KCNT2: variants seen among roughly 807,000 people sequenced by gnomAD.
KCNT2 encodes potassium channel subfamily T member 2.
Under a neutral mutation model 153.8 loss-of-function variants are expected in KCNT2, and 67 were observed. The ratio of observed to expected loss-of-function variants is 0.44; its 90% CI spans 0.36 to 0.53. KCNT2 has a LOEUF of 0.53. Among genes scored for constraint, KCNT2 ranks in the 20% least tolerant of loss-of-function variants. The pLI is 0.00. For missense variants in KCNT2, 975 were observed against 1,354.8 expected (o/e 0.72, Z 4.40); for synonymous variants, 500 against 458.8 (o/e 1.09, Z -1.15).
At chr1:196,558,921 T>A (rs1408291526) in intron 1 of KCNT2, among the ~76,000 whole-genome samples, 3 of 151,568 alleles carry the variant, frequency 2.0e-5, no homozygotes, top group Admixed American at 1.3e-4. Flanking sequence ...GTAATATCTT[T>A]GTAAACAAGT....
At chr1:196,271,686 A>G (rs1157884688) in intron 25 of KCNT2, among the ~76,000 whole-genome samples, 1 of 151,956 alleles carries the variant, frequency 6.6e-6, no homozygotes, top group Non-Finnish European at 1.5e-5. Flanking sequence ...TGTTAGAGAG[A>G]AAGTGAAACA....
At position 196,263,186 on chromosome 1, in the gene KCNT2, T is replaced by A. The variant is rs184179795; in HGVS notation, c.2911-4692A>T. Among the ~76,000 whole-genome samples, 293 of 152,122 alleles carry A rather than the reference T, an allele frequency of 1.9e-3. 1 individual carries two copies. Among genetic ancestry groups the A allele is most frequent in the African/African-American group, 6.6e-3 (272 of 41,524 alleles). ...ACCTATATATAATTCTTTTTTTTTTTAATTTTACTTTAAGCTCTGGGGTAC... is the reference window on the plus strand; with the variant it reads ...ACCTATATATAATTCTTTTTTTTTTAAATTTTACTTTAAGCTCTGGGGTAC... On this transcript the variant is annotated intron_variant, in intron 25 of 27. Transcript: ENST00000294725.
chr1:196,533,160 T>C (rs944741453), intron 1 of KCNT2, among the ~76,000 whole-genome samples: 1 of 152,082 alleles, frequency 6.6e-6, no homozygotes, highest in Non-Finnish European at 1.5e-5. Context: ...TCAACATAGG[T>C]ATTACTTGCA....
At chr1:196,303,108 T>C (rs1336774024) in intron 22 of KCNT2, among the ~76,000 whole-genome samples, 2 of 152,126 alleles carry the variant, frequency 1.3e-5, no homozygotes, top group African/African-American at 2.4e-5. Flanking sequence ...CCTTTCTCTG[T>C]CAAAAACTTG....
chr1:196,285,460 A>T (rs542904739), intron 23 of KCNT2, among the ~76,000 whole-genome samples, 197 bp downstream of exon 23: 14 of 152,278 alleles, frequency 9.2e-5, no homozygotes, highest in African/African-American at 2.6e-4. Flanking sequence ...GGTTATTTTT[A>T]AAAATAGTAT....
chr1:196,439,778 A>C (rs771549002), intron 8 of KCNT2, among the ~76,000 whole-genome samples: 3 of 151,954 alleles, frequency 2.0e-5, no homozygotes, highest in Non-Finnish European at 4.4e-5. Flanking sequence ...GAACTTGTTT[A>C]CAGTTCTAAT....
At chr1:196,563,826 A>G (rs909041080) in intron 1 of KCNT2, among the ~76,000 whole-genome samples, 1 of 152,026 alleles carries the variant, frequency 6.6e-6, no homozygotes, top group Non-Finnish European at 1.5e-5. Context: ...TTTCATAATA[A>G]AAGTATCAAG....
chr1:196,493,104 A>C (rs1391815669), intron 1 of KCNT2, among the ~76,000 whole-genome samples: 2 of 152,146 alleles, frequency 1.3e-5, no homozygotes, highest in Non-Finnish European at 2.9e-5. Flanking sequence ...AATATTTTCA[A>C]AATACTAAGT....
At chr1:196,341,742 G>A (rs1665656393) in intron 15 of KCNT2, among the ~76,000 whole-genome samples, 1 of 151,700 alleles carries the variant, frequency 6.6e-6, no homozygotes, top group Non-Finnish European at 1.5e-5. Flanking sequence ...AAATATTAGT[G>A]TTACTTTGTT....
intron 5 of KCNT2, among the ~76,000 whole-genome samples, chr1:196,476,376 TG>T (rs1379668950): frequency 6.6e-6 from 1 of 152,180 alleles, no homozygotes; most frequent in Non-Finnish European, 1.5e-5. Flanking sequence ...TTAATTTATT[TG>T]ATTTTTTATT....
At chr1:196,546,619 C>T (rs1657136986) in intron 1 of KCNT2, among the ~76,000 whole-genome samples, 1 of 151,896 alleles carries the variant, frequency 6.6e-6, no homozygotes, top group Non-Finnish European at 1.5e-5. Flanking sequence ...AAGGAAAAAC[C>T]TAAGCATCAG....
chr1:196,236,010 G>C lies in KCNT2; in HGVS notation c.3272C>G (p.Thr1091Ser). 1.3e-6 allele frequency: 2 copies of C among 1,599,268 alleles called. No individual in the cohort carries two copies. Among genetic ancestry groups the C allele is most frequent in the Non-Finnish European group, 1.7e-6 (2 of 1,167,576 alleles). The change falls in exon 27 of 28, where the codon ACC becomes AGC. Residue 1091 changes from threonine to serine, a missense_variant. Around this residue, in one of 6 missense-constraint regions of KCNT2, gnomAD observed 241 missense variants for 271.1 expected, o/e 0.89. Coordinates refer to ENST00000294725, the MANE Select transcript of KCNT2 (RefSeq NM_198503.5). ...SYILINPSPD[T>S]RIELNDVVYL... ...CACAACATCATTCAGCTCTATTCTG[G>C]TATCTGGAGATGGGTTAATCAGGAT... is the stretch of plus-strand genomic sequence containing the variant.
intron 1 of KCNT2, among the ~76,000 whole-genome samples, chr1:196,530,779 T>C (rs1199050484): frequency 6.6e-6 from 1 of 152,124 alleles, no homozygotes; most frequent in Non-Finnish European, 1.5e-5. Context: ...GATTTAACCA[T>C]GATTTTACTT....
At chr1:196,257,889 G>C (rs1022009360) in intron 26 of KCNT2, 1 of 978,830 alleles carries the variant, frequency 1.0e-6, no homozygotes, top group Non-Finnish European at 1.2e-6. Context: ...CCTGACTTAG[G>C]TTCTTTACTT....
intron 1 of KCNT2, among the ~76,000 whole-genome samples, chr1:196,506,042 G>T (rs932120511): frequency 1.3e-5 from 2 of 152,154 alleles, no homozygotes; most frequent in Non-Finnish European, 2.9e-5. Context: ...GGGACAATTT[G>T]ACTTCCTCTT....
At chr1:196,406,440 T>C (rs1671834605) in intron 12 of KCNT2, among the ~76,000 whole-genome samples, 1 of 151,380 alleles carries the variant, frequency 6.6e-6, no homozygotes, top group African/African-American at 2.4e-5. Flanking sequence ...TCTCCACCAT[T>C]AAAATATGTG....
At chr1:196,463,675 C>G (rs1677353817) in intron 8 of KCNT2, among the ~76,000 whole-genome samples, 1 of 151,576 alleles carries the variant, frequency 6.6e-6, no homozygotes, top group Non-Finnish European at 1.5e-5. Context: ...GAAATAATTT[C>G]AATAATGAAT....
At chr1:196,602,189 T>A (rs1299165328) in intron 1 of KCNT2, among the ~76,000 whole-genome samples, 1 of 152,166 alleles carries the variant, frequency 6.6e-6, no homozygotes, top group Non-Finnish European at 1.5e-5. Flanking sequence ...CCGCTAAACA[T>A]TAAATATTGC....
intron 22 of KCNT2, among the ~76,000 whole-genome samples, chr1:196,304,548 C>CT (rs201004432): frequency 3.3e-5 from 5 of 151,932 alleles, no homozygotes; most frequent in African/African-American, 4.8e-5. Context: ...AAGACTGGGT[C>CT]TTTTTTTTCC....
Sources: gnomAD v4.1 joint callset for allele counts (sites outside exome capture counted in the v4.1 genomes callset) on GRCh38, gnomAD v4.1.1 for gene constraint, gnomAD v4.1.1 regional missense constraint, MANE v1.5 for transcripts, NCBI Gene and HGNC (gene_info 2026-07-23, HGNC 2026-07-21) for gene names.